Variants in STK3 observed in about 807,000 individuals in gnomAD.
STK3 encodes the protein serine/threonine kinase 3.
Under a neutral mutation model 58.0 loss-of-function variants are expected in STK3, and 41 were observed. That is an observed-to-expected ratio of 0.71 (90% CI 0.55 to 0.92). STK3 has a LOEUF of 0.92. STK3 is among the 40% of genes least tolerant of loss of function. The pLI, the probability that STK3 is intolerant of heterozygous loss-of-function variation, is 0.00. For synonymous variants in STK3, 170 were observed against 191.0 expected (o/e 0.89, Z 0.91); for missense variants, 479 against 602.7 (o/e 0.79, Z 2.15).
intron 3 of STK3, chr8:98,432,114 C>T (rs754603253): frequency 1.8e-5 from 3 of 166,582 alleles, no homozygotes; most frequent in Non-Finnish European, 4.4e-5. Context: ...GGTCTTTGAT[C>T]GACCTTGCTA....
At chr8:98,350,407 T>G in the STK3 span, among the ~76,000 whole-genome samples, 1 of 152,238 alleles carries the variant, frequency 6.6e-6, no homozygotes, top group East Asian at 1.9e-4. Context: ...TTGTCTCACA[T>G]TTTCCTGTCT....
chr8:98,879,259 G>T (rs1837704608), downstream of STK3: 1 of 152,050 alleles, frequency 6.6e-6, no homozygotes, highest in Non-Finnish European at 1.5e-5. Flanking sequence ...TATTGTTTGG[G>T]GAATAATGAG....
At chr8:98,624,737 C>A (rs1271976559) in intron 6 of STK3, among the ~76,000 whole-genome samples, 1 of 151,838 alleles carries the variant, frequency 6.6e-6, no homozygotes, top group East Asian at 1.9e-4. Context: ...ACCTGTAATC[C>A]CAGCTACTCG....
In STK3 at chr8:98,647,558, T is replaced by C. The variant is rs573330875; in HGVS notation, c.685-51389A>G. Among the ~76,000 whole-genome samples the C allele has an allele frequency of 2.0e-5, 3 of 152,292 alleles. No homozygotes were observed. In the East Asian group the frequency reaches 5.8e-4, roughly 29 times the overall value. On this transcript the variant is annotated intron_variant, in intron 6 of 10. Transcript: ENST00000419617. ...ATATATAGTATGTTCTTTTTGTTTG[T>C]TTTTTGAGACAGGGTCTCATTCTGT...
At chr8:98,678,406 A>G in intron 6 of STK3, among the ~76,000 whole-genome samples, 1 of 152,196 alleles carries the variant, frequency 6.6e-6, no homozygotes, top group Non-Finnish European at 1.5e-5. Context: ...ATGATATTTA[A>G]TAAATAATTT....
rs1818283633 is a variant in STK3 at position 98,428,753 on chromosome 8, T to C, written n.483+5374A>G. On this transcript the variant is annotated intron_variant and non_coding_transcript_variant, in intron 3 of 3. Coordinates refer to the STK3 transcript ENST00000517832. The surrounding 1 kb of genome is among the most constrained non-coding windows in gnomAD (Gnocchi z 6.7). ...CTGACTTCCTCAAGTTCTTCAAGAA[T>C]GCCCTAAACCTTATTGACCTCATGT... 3 of 1,614,114 alleles carry C rather than the reference T, an allele frequency of 1.9e-6. No individual in the cohort carries two copies. The highest frequency in any genetic ancestry group is 1.3e-5 in the African/African-American group (1 of 74,938).
downstream of STK3, chr8:98,882,222 A>G (rs996662457): frequency 1.3e-5 from 2 of 152,142 alleles, no homozygotes; most frequent in African/African-American, 4.8e-5. Context: ...TTGGGTGTTT[A>G]TAGTTGCTTC....
rs910548275 is a variant in STK3, at chr8:98,428,673, C to T, written n.483+5454G>A. The T allele has an allele frequency of 3.1e-6, 5 of 1,614,222 alleles. No individual in the cohort carries two copies. Among genetic ancestry groups the T allele is most frequent in the Admixed American group, 1.7e-5 (1 of 60,022 alleles). On this transcript the variant is annotated intron_variant and non_coding_transcript_variant, in intron 3 of 3. Coordinates refer to the STK3 transcript ENST00000517832. The surrounding 1 kb of genome is among the most constrained non-coding windows in gnomAD (Gnocchi z 6.7). ...GGACCCTAGGTTCGAAATCGTGGAG[C>T]ACTTTGGCATTGCCTGGTTCACATT...
At chr8:98,905,487 C>T (rs1197788567) in intron 1 of STK3, 1 of 1,207,818 alleles carries the variant, frequency 8.3e-7, no homozygotes, top group Non-Finnish European at 1.2e-6. Flanking sequence ...GATGTTCACC[C>T]CATGAAGCTT....
chr8:98,402,421 G>T (rs763398653), intron 3 of STK3, among the ~76,000 whole-genome samples: 63 of 152,320 alleles, frequency 4.1e-4, no homozygotes, highest in Middle Eastern at 6.8e-3. Flanking sequence ...GAGCTCCCTG[G>T]AGTCTGTGTT....
chr8:98,816,325 G>A (rs1372997991), intron 1 of STK3, among the ~76,000 whole-genome samples: 2 of 152,152 alleles, frequency 1.3e-5, no homozygotes, highest in Non-Finnish European at 1.5e-5. Flanking sequence ...ACCAGCCTAA[G>A]CAACATGGCA....
chr8:98,508,592 A>G (rs1426218852), intron 10 of STK3, among the ~76,000 whole-genome samples: 1 of 152,214 alleles, frequency 6.6e-6, no homozygotes, highest in Non-Finnish European at 1.5e-5. Flanking sequence ...GTACTAAACA[A>G]CCATTGAATT....
At chr8:98,845,743 G>T (rs559027304) in intron 3 of STK3, among the ~76,000 whole-genome samples, 21 of 152,296 alleles carry the variant, frequency 1.4e-4, no homozygotes, top group African/African-American at 3.8e-4. Flanking sequence ...GTGGGCAAAA[G>T]AATTCATTGA....
intron 10 of STK3, among the ~76,000 whole-genome samples, chr8:98,517,830 C>T (rs1458703655): frequency 1.3e-5 from 2 of 152,052 alleles, no homozygotes; most frequent in Non-Finnish European, 2.9e-5. Context: ...CTAAATTCCA[C>T]TATTGGTTAA....
chr8:98,408,787 G>A lies in STK3; in HGVS notation n.484-7274C>T, dbSNP rs193120136. ...TGCTTAGACAATAGGCTGGATAAATGAGCATGCATAGCCAGGGCTTGGGAA... is the reference window on the plus strand; with the variant it reads ...TGCTTAGACAATAGGCTGGATAAATAAGCATGCATAGCCAGGGCTTGGGAA... On this transcript the variant is annotated intron_variant and non_coding_transcript_variant, in intron 3 of 3. Transcript: ENST00000517832. 4.6e-5 allele frequency among the ~76,000 whole-genome samples: 7 copies of A among 152,316 alleles called. No individual in the cohort carries two copies. The South Asian group carries it at 8.3e-4, about 18-fold the overall frequency.
intron 4 of STK3, among the ~76,000 whole-genome samples, chr8:98,742,820 T>C (rs1344455752): frequency 3.3e-5 from 5 of 151,898 alleles, no homozygotes; most frequent in Admixed American, 2.6e-4. Flanking sequence ...TGATTGGATA[T>C]CTAGAAAACC....
intron 9 of STK3, among the ~76,000 whole-genome samples, 178 bp downstream of exon 9, chr8:98,547,791 T>C (rs998404298): frequency 3.3e-5 from 5 of 152,184 alleles, no homozygotes; most frequent in Non-Finnish European, 5.9e-5. Context: ...TTTTCTGCTA[T>C]ATTAAAATAC....
At chr8:98,454,367 T>A (rs758773260), downstream of STK3, among the ~76,000 whole-genome samples, 1 of 152,142 alleles carries the variant, frequency 6.6e-6, no homozygotes, top group Non-Finnish European at 1.5e-5. Flanking sequence ...CAGCTCCCCT[T>A]CTCCTTATTG....
In STK3 at chr8:98,410,230, C is replaced by T. The variant is rs149529484; in HGVS notation, n.484-8717G>A. Among the ~76,000 whole-genome samples, 532 of 152,186 alleles carry T rather than the reference C, an allele frequency of 3.5e-3. 4 individuals carry two copies. The highest frequency in any genetic ancestry group is 0.011 in the African/African-American group (477 of 41,528). The stretch of plus-strand genomic sequence containing the variant: ...GGAGAGTCCACAGGCCAAGGAGCAG[C>T]GGAAACACTAAATGCACTCCCTCCC... On this transcript the variant is annotated intron_variant and non_coding_transcript_variant, in intron 3 of 3. Coordinates refer to the STK3 transcript ENST00000517832.
Sources: gnomAD v4.1 joint callset for allele counts (sites outside exome capture counted in the v4.1 genomes callset) on GRCh38, gnomAD v4.1.1 for gene constraint, Gnocchi (gnomAD v3.1) non-coding constraint, MANE v1.5 for transcripts, NCBI Gene and HGNC (gene_info 2026-07-23, HGNC 2026-07-21) for gene names.